SRCAP: variants seen among roughly 807,000 people sequenced by gnomAD.
SRCAP encodes Snf2 related CREBBP activator protein.
SRCAP carries 46 observed loss-of-function variants against 263.1 expected under a neutral mutation model. The ratio of observed to expected loss-of-function variants is 0.17; its 90% CI spans 0.14 to 0.22. SRCAP has a LOEUF of 0.22. Among genes scored for constraint, SRCAP ranks in the 10% least tolerant of loss-of-function variants. SRCAP has a pLI of 1.00. For synonymous variants in SRCAP, 1,813 were observed against 1,662.1 expected, an observed-to-expected ratio of 1.09 and a Z score of -2.21; for missense variants, 3,695 against 4,181.9, an observed-to-expected ratio of 0.88 and a Z score of 3.21.
intron 27 of SRCAP, among the ~76,000 whole-genome samples, chr16:30,730,517 C>T (rs927890655): frequency 7.2e-5 from 11 of 152,012 alleles, no homozygotes; most frequent in South Asian, 2.1e-4. Flanking sequence ...CTGCAACTTC[C>T]GCCTCCTGGG....
chr16:30,732,626 ATATC>A (rs763758493), intron 27 of SRCAP, among the ~76,000 whole-genome samples: 23 of 152,140 alleles, frequency 1.5e-4, no homozygotes, highest in Non-Finnish European at 2.5e-4. Context: ...GGATTTGTTG[ATATC>A]TATCCTGTGA....
chr16:30,729,469 G>A lies in SRCAP; in HGVS notation c.6024G>A (p.Glu2008=), dbSNP rs769902124. 97 of 1,614,068 alleles carry A rather than the reference G, an allele frequency of 6.0e-5. No individual in the cohort carries two copies. The highest frequency in any genetic ancestry group is 7.5e-5 in the Non-Finnish European group (88 of 1,180,042). ...WLAPRQAAFQ[E]QLASELWPRA... ...CCCCACGTCAGGCAGCCTTCCAGGA[G>A]CAATTGGCCTCTGAGCTCTGGCCCC... is the stretch of plus-strand genomic sequence containing the variant. The change falls in exon 27 of 34, where the codon GAG becomes GAA. Residue 2008 remains glutamate, a synonymous_variant. Coordinates refer to ENST00000262518, the MANE Select transcript of SRCAP (RefSeq NM_006662.3).
chr16:30,722,711 C>T lies in SRCAP; in HGVS notation c.3855C>T (p.Ala1285=), dbSNP rs771977971. The change falls in exon 23 of 34, where the codon GCC becomes GCT. Residue 1285 remains alanine (A), a synonymous_variant. Transcript: ENST00000262518. ...CTTCGACCCCCAGCACCACCCCTGCCCCTACTGGCCTCAGCCTTCCGCTTG... is the reference window on the plus strand; with the variant it reads ...CTTCGACCCCCAGCACCACCCCTGCTCCTACTGGCCTCAGCCTTCCGCTTG... ...LPSSTPSTTP[A]PTGLSLPLAA... 5 of 1,613,764 alleles carry T rather than the reference C, an allele frequency of 3.1e-6. No homozygotes were observed. Among genetic ancestry groups the T allele is most frequent in the Non-Finnish European group, 3.4e-6 (4 of 1,179,872 alleles).
At chr16:30,734,760 A>G in intron 31 of SRCAP, 145 bp downstream of exon 31, 2 of 1,251,976 alleles carry the variant, frequency 1.6e-6, no homozygotes, top group Non-Finnish European at 2.2e-6. Flanking sequence ...TTGTAAGCAC[A>G]TTGCTTATTG....
chr16:30,705,576 A>T (rs1748542345), intron 4 of SRCAP, among the ~76,000 whole-genome samples: 1 of 148,218 alleles, frequency 6.7e-6, no homozygotes. Flanking sequence ...AATTTTTTGT[A>T]TTTTTAGTAG....
chr16:30,709,490 A>C, intron 6 of SRCAP, 23 bp from the exon 7 acceptor site: 1 of 1,612,710 alleles, frequency 6.2e-7, no homozygotes, highest in Non-Finnish European at 8.5e-7. Flanking sequence ...CTTGGTGAGC[A>C]GTCCCTTTCA....
chr16:30,703,149 C>CTATATA (rs368190667), intron 3 of SRCAP, among the ~76,000 whole-genome samples: 58 of 143,406 alleles, frequency 4.0e-4, no homozygotes, highest in African/African-American at 1.3e-3. Flanking sequence ...AAATCATATG[C>CTATATA]TATATATATA....
chr16:30,729,004 A>ACG lies in SRCAP; in HGVS notation c.5699_5700dup (p.Leu1901AlafsTer67). On this transcript the variant is annotated frameshift_variant, in exon 26 of 34. Coordinates refer to ENST00000262518, the MANE Select transcript of SRCAP (RefSeq NM_006662.3). LOFTEE classifies it high-confidence loss of function. ...AAAAGCGGAAGCGGCAGCGGTCTGA[A>ACG]CGCCTGGAACGGATTTTCCAACTTA... 6.2e-7 allele frequency: 1 copy of ACG among 1,614,060 alleles called. No individual in the cohort carries two copies. The highest frequency in any genetic ancestry group is 8.5e-7 in the Non-Finnish European group (1 of 1,179,956).
Position 30,723,794 on chromosome 16 carries a change from T to C in SRCAP, c.4370T>C (p.Ile1457Thr). The change falls in exon 25 of 34, where the codon ATC becomes ACC. Residue 1457 changes from isoleucine (I) to threonine (T), a missense_variant. Ile to Thr is a moderately conservative substitution (Grantham distance 89). This residue lies in a region of SRCAP where 1,347 missense variants were observed against 1,304.4 expected (regional missense o/e 1.03). Coordinates refer to ENST00000262518, the MANE Select transcript of SRCAP (RefSeq NM_006662.3). ...GCCCCAGCCTCGGCTCCACTCACCA[T>C]CCCCATCTCAGCCCCCTTGACTGTT... The part of the protein sequence containing the change: ...LPAPASAPLT[I>T]PISAPLTVSA... 6.2e-7 allele frequency: 1 copy of C among 1,613,804 alleles called. No individual in the cohort carries two copies. The highest frequency in any genetic ancestry group is 1.3e-5 in the African/African-American group (1 of 74,870).
At chr16:30,727,837 C>G (rs1398455585) in intron 25 of SRCAP, among the ~76,000 whole-genome samples, 1 of 152,166 alleles carries the variant, frequency 6.6e-6, no homozygotes, top group African/African-American at 2.4e-5. Context: ...CAGGTGTGAG[C>G]CACCGCGCCT....
chr16:30,723,939 G>C lies in SRCAP; in HGVS notation c.4515G>C (p.Leu1505Phe), dbSNP rs1289909253. The C allele has an allele frequency of 5.6e-6, 9 of 1,613,976 alleles. No homozygotes were observed. The South Asian group carries it at 7.7e-5, about 14-fold the overall frequency. The change falls in exon 25 of 34, where the codon TTG becomes TTC. Residue 1505 changes from leucine (L) to phenylalanine (F), a missense_variant. By Grantham distance (22) the Leu-to-Phe change is conservative. Coordinates refer to ENST00000262518, the MANE Select transcript of SRCAP (RefSeq NM_006662.3). The part of the protein sequence containing the change: ...PSGASPSASA[L>F]TLGLATAPSL... ...GTGCTTCCCCGTCAGCATCAGCCTT[G>C]ACTCTAGGTTTGGCCACAGCTCCAT...
rs1332571500 is a variant in SRCAP at position 30,724,679 on chromosome 16, C to A, written c.5255C>A (p.Pro1752His). 2.5e-6 allele frequency: 4 copies of A among 1,614,032 alleles called. No individual in the cohort carries two copies. Among genetic ancestry groups the A allele is most frequent in the African/African-American group, 2.7e-5 (2 of 74,936 alleles). Residue 1752 changes from proline to histidine, a missense_variant, in exon 25 of 34, where the codon CCC (proline) becomes CAC (histidine). Pro to His is a moderately conservative substitution (Grantham distance 77). Transcript: ENST00000262518. ...PTQTLSLAPA[P>H]PLAPASPVGP... Reference sequence around the variant, plus strand: ...CAGACGCTGTCTCTGGCTCCAGCACCCCCTCTGGCTCCAGCTTCTCCAGTG... The same window carrying A: ...CAGACGCTGTCTCTGGCTCCAGCACACCCTCTGGCTCCAGCTTCTCCAGTG...
chr16:30,737,557 C>G lies in SRCAP; in HGVS notation c.7517C>G (p.Thr2506Ser), dbSNP rs1456710145. 4.3e-6 allele frequency: 7 copies of G among 1,613,678 alleles called. No homozygotes were observed. In the Admixed American group the frequency reaches 1.2e-4, roughly 27 times the overall value. The change falls in exon 34 of 34, where the codon ACC (threonine) becomes AGC (serine). Residue 2506 changes from threonine (T) to serine (S), a missense_variant. Physicochemically the swap from Thr to Ser is moderately conservative, Grantham distance 58 (BLOSUM62 1). Transcript: ENST00000262518. ...SPACTPPPAC[T>S]PPPAHTPPPA... ...GCCTGCACCCCTCCTCCTGCCTGTA[C>G]CCCTCCACCAGCTCATACACCGCCT...
intron 3 of SRCAP, among the ~76,000 whole-genome samples, chr16:30,703,766 G>A (rs1002093295): frequency 3.3e-5 from 5 of 151,314 alleles, no homozygotes; most frequent in South Asian, 4.1e-4. Context: ...GCATAGTGGC[G>A]GGCGCCTGTA....
rs778602462 is a variant in SRCAP at position 30,728,953 on chromosome 16, C to T, written c.5659-13C>T. ...AGGGTGCTGATTACTTCCTCTTTTT[C>T]TCTCACCCCCAGGACTCCCTGGAGG... On this transcript the variant is annotated splice_polypyrimidine_tract_variant and intron_variant, in intron 25 of 33. Coordinates refer to ENST00000262518, the MANE Select transcript of SRCAP (RefSeq NM_006662.3). 8.1e-6 allele frequency: 13 copies of T among 1,598,994 alleles called. No homozygotes were observed. The highest frequency in any genetic ancestry group is 1.3e-5 in the African/African-American group (1 of 74,356).
chr16:30,700,993 T>G (rs571034998), intron 3 of SRCAP, 115 bp downstream of exon 3: 1 of 1,045,820 alleles, frequency 9.6e-7, no homozygotes, highest in East Asian at 2.6e-5. Context: ...TCTTTGGTGC[T>G]CGGGGGCTGG....
At position 30,736,528 on chromosome 16, in the gene SRCAP, C is replaced by T. The variant is rs777830913; in HGVS notation, c.6925-13C>T. 1.9e-5 allele frequency: 30 copies of T among 1,613,994 alleles called. No homozygotes were observed. The highest frequency in any genetic ancestry group is 8.5e-6 in the Non-Finnish European group (10 of 1,180,022). ...CAGGTTCCTAAGTTTATCACCACCGCTCCTCCTTGCAGCTGACCCCCATTG... is the reference window on the plus strand; with the variant it reads ...CAGGTTCCTAAGTTTATCACCACCGTTCCTCCTTGCAGCTGACCCCCATTG... On this transcript the variant is annotated splice_polypyrimidine_tract_variant and intron_variant, in intron 32 of 33. Coordinates refer to ENST00000262518, the MANE Select transcript of SRCAP (RefSeq NM_006662.3).
At chr16:30,710,198 G>A (rs146712493) in intron 8 of SRCAP, 70 bp downstream of exon 8, 17 of 1,507,458 alleles carry the variant, frequency 1.1e-5, no homozygotes, top group African/African-American at 9.8e-5. Flanking sequence ...TCTGAGTTCC[G>A]GGCTGTGAGG....
intron 18 of SRCAP, 125 bp downstream of exon 18, chr16:30,716,604 T>C: frequency 1.2e-6 from 1 of 848,090 alleles, no homozygotes. Flanking sequence ...TCCCTTAGTT[T>C]TATTGTACTC....
Sources: allele counts gnomAD v4.1 joint callset (sites outside exome capture counted in the v4.1 genomes callset), GRCh38; gene constraint gnomAD v4.1.1; regional missense constraint gnomAD v4.1.1; transcripts MANE v1.5; gene names NCBI Gene and HGNC (gene_info 2026-07-23, HGNC 2026-07-21).